Variants in ARHGAP44 observed in about 807,000 individuals in gnomAD.
The protein encoded by ARHGAP44 is Rho GTPase activating protein 44.
In ARHGAP44, 43 loss-of-function variants were observed where a neutral mutation model predicts 106.8. The ratio of observed to expected loss-of-function variants is 0.40; its 90% CI spans 0.32 to 0.52. ARHGAP44 has a LOEUF of 0.52. Among genes scored for constraint, ARHGAP44 ranks in the 20% least tolerant of loss-of-function variants. ARHGAP44 has a pLI of 0.48. For missense variants in ARHGAP44, 866 were observed against 1,050.5 expected, an observed-to-expected ratio of 0.82 and a Z score of 2.43; for synonymous variants, 439 against 410.3, an observed-to-expected ratio of 1.07 and a Z score of -0.85.
intron 1 of ARHGAP44, among the ~76,000 whole-genome samples, chr17:12,833,280 T>C (rs2035140678): frequency 6.6e-6 from 1 of 152,188 alleles, no homozygotes; most frequent in South Asian, 2.1e-4. Flanking sequence ...GCATATGTGT[T>C]TCATATTGAT....
chr17:12,978,680 TTTC>T (rs2039756020), intron 18 of ARHGAP44, among the ~76,000 whole-genome samples: 1 of 71,206 alleles, frequency 1.4e-5, no homozygotes, highest in African/African-American at 3.3e-5. Context: ...TTTTTTTTCT[TTTC>T]TTTTTTCTTT....
At chr17:12,866,329 A>G (rs1195448734) in intron 1 of ARHGAP44, among the ~76,000 whole-genome samples, 1 of 152,144 alleles carries the variant, frequency 6.6e-6, no homozygotes, top group Non-Finnish European at 1.5e-5. Flanking sequence ...CTGCCTTAAT[A>G]TTTTTGACCC....
intron 1 of ARHGAP44, among the ~76,000 whole-genome samples, chr17:12,849,846 C>T (rs913237679): frequency 1.3e-5 from 2 of 152,002 alleles, no homozygotes; most frequent in Admixed American, 6.6e-5. Flanking sequence ...ACATTTAATG[C>T]TGGATGACTG....
At position 12,990,189 on chromosome 17, in the gene ARHGAP44, T is replaced by C; in HGVS notation, c.*18T>C. 6.2e-7 allele frequency: 1 copy of C among 1,606,966 alleles called. No homozygotes were observed. Among genetic ancestry groups the C allele is most frequent in the Non-Finnish European group, 8.5e-7 (1 of 1,174,400 alleles). On this transcript the variant is annotated 3_prime_UTR_variant, in exon 21 of 21. Coordinates refer to ENST00000379672, the MANE Select transcript of ARHGAP44 (RefSeq NM_014859.6). The stretch of plus-strand genomic sequence containing the variant: ...CCCTCTGACATGACACCGCCCATCC[T>C]GCCTCGCGTGTACATACATCACGGG...
At chr17:12,792,484 C>G (rs537242925) in intron 1 of ARHGAP44, among the ~76,000 whole-genome samples, 1 of 152,102 alleles carries the variant, frequency 6.6e-6, no homozygotes, top group African/African-American at 2.4e-5. Flanking sequence ...TGAGGGTCAG[C>G]GAGAGGGGCA....
chr17:12,856,731 A>G (rs1364867975), intron 1 of ARHGAP44, among the ~76,000 whole-genome samples: 2 of 152,210 alleles, frequency 1.3e-5, no homozygotes, highest in East Asian at 1.9e-4. Context: ...CAATTTCCCC[A>G]TCAATAATAT....
intron 7 of ARHGAP44, among the ~76,000 whole-genome samples, chr17:12,939,687 C>T (rs966026567): frequency 2.6e-5 from 4 of 152,134 alleles, no homozygotes; most frequent in Non-Finnish European, 4.4e-5. Context: ...AGGATGGTCT[C>T]GATCTCCTGA....
At chr17:12,846,901 T>C (rs898366069) in intron 1 of ARHGAP44, among the ~76,000 whole-genome samples, 3 of 152,216 alleles carry the variant, frequency 2.0e-5, no homozygotes, top group Non-Finnish European at 4.4e-5. Context: ...TAATCTCTTA[T>C]ACAGAGGAAA....
intron 7 of ARHGAP44, among the ~76,000 whole-genome samples, chr17:12,936,387 C>A (rs374644130): frequency 6.6e-6 from 1 of 152,154 alleles, no homozygotes; most frequent in Admixed American, 6.5e-5. Context: ...AACCACTGAT[C>A]TTTTTATTGT....
intron 1 of ARHGAP44, among the ~76,000 whole-genome samples, chr17:12,802,961 ATATATATATTTT>A (rs1486547313): frequency 1.4e-3 from 31 of 21,870 alleles, no homozygotes; most frequent in Non-Finnish European, 1.2e-3. Context: ...ATATATATAT[ATATATATATTTT>A]TTTTTTTTTT....
chr17:12,793,212 G>C (rs943135232), intron 1 of ARHGAP44, among the ~76,000 whole-genome samples: 1 of 152,218 alleles, frequency 6.6e-6, no homozygotes, highest in Non-Finnish European at 1.5e-5. Context: ...GATAACCTGT[G>C]AAAAGTACCT....
Position 12,958,208 on chromosome 17 carries a change from A to G in ARHGAP44, c.1343-509A>G, listed in dbSNP as rs2039174953. Among the ~76,000 whole-genome samples, 1 of 152,202 alleles carries G rather than the reference A, an allele frequency of 6.6e-6. No individual in the cohort carries two copies. The highest frequency in any genetic ancestry group is 1.5e-5 in the Non-Finnish European group (1 of 68,046). Reference sequence around the variant, plus strand: ...GACAGCCAAAAAACAACTTTAATGAAATCTATATTTCTAATATCTTGAATT... The same window carrying G: ...GACAGCCAAAAAACAACTTTAATGAGATCTATATTTCTAATATCTTGAATT... On this transcript the variant is annotated intron_variant, in intron 15 of 20. Transcript: ENST00000379672. This position sits in a 1 kb window ranked among gnomAD's most constrained non-coding sequence, Gnocchi z 4.1.
chr17:12,791,144 A>G (rs939881939), intron 1 of ARHGAP44, among the ~76,000 whole-genome samples: 1 of 152,124 alleles, frequency 6.6e-6, no homozygotes, highest in Non-Finnish European at 1.5e-5. Flanking sequence ...GTGGCTTCTT[A>G]TGCTTCCAGG....
chr17:12,824,242 C>T (rs2034854810), intron 1 of ARHGAP44, among the ~76,000 whole-genome samples: 1 of 152,100 alleles, frequency 6.6e-6, no homozygotes, highest in Non-Finnish European at 1.5e-5. Flanking sequence ...CATGGTCAAT[C>T]CACAGGGCCT....
At position 12,803,251 on chromosome 17, in the gene ARHGAP44, C is replaced by T. The variant is rs193136824; in HGVS notation, c.53+13360C>T. On this transcript the variant is annotated intron_variant, in intron 1 of 20. Coordinates refer to ENST00000379672, the MANE Select transcript of ARHGAP44 (RefSeq NM_014859.6). ...CCTCCCAAAGTGCTGGGATTACAAG[C>T]GTGAGCTACCGCGCCCAGCCAATTT... Among the ~76,000 whole-genome samples, 190 of 151,796 alleles carry T rather than the reference C, an allele frequency of 1.3e-3. 1 individual carries two copies. The highest frequency in any genetic ancestry group is 4.1e-3 in the African/African-American group (168 of 41,398).
At chr17:12,939,353 A>G (rs2038641843) in intron 7 of ARHGAP44, among the ~76,000 whole-genome samples, 1 of 152,096 alleles carries the variant, frequency 6.6e-6, no homozygotes, top group African/African-American at 2.4e-5. Context: ...AACTCTTGCT[A>G]CCTATGGATC....
At chr17:12,940,789 C>T (rs2038685773) in intron 7 of ARHGAP44, among the ~76,000 whole-genome samples, 1 of 152,206 alleles carries the variant, frequency 6.6e-6, no homozygotes, top group African/African-American at 2.4e-5. Flanking sequence ...CATCACTCCT[C>T]TACACCAACT....
chr17:12,830,383 TCC>T (rs1371212173), intron 1 of ARHGAP44, among the ~76,000 whole-genome samples: 1 of 152,190 alleles, frequency 6.6e-6, no homozygotes, highest in Non-Finnish European at 1.5e-5. Context: ...CTGCCTCCAG[TCC>T]TGTCCCTCTT....
In ARHGAP44 at chr17:12,918,876, G is replaced by A. The variant is rs2037992635; in HGVS notation, c.388-879G>A. Among the ~76,000 whole-genome samples the A allele has an allele frequency of 3.3e-5, 5 of 152,186 alleles. No homozygotes were observed. The South Asian group carries it at 1.0e-3, about 32-fold the overall frequency. On this transcript the variant is annotated intron_variant, in intron 5 of 20. Coordinates refer to ENST00000379672, the MANE Select transcript of ARHGAP44 (RefSeq NM_014859.6). ...CAAGGTGAGGGCAGGAAAGTGGCCA[G>A]GCCTGCATGAGCAGAGAAGCACAGG...
Sources: allele counts gnomAD v4.1 joint callset (sites outside exome capture counted in the v4.1 genomes callset), GRCh38; gene constraint gnomAD v4.1.1; non-coding constraint Gnocchi (gnomAD v3.1); transcripts MANE v1.5; gene names NCBI Gene and HGNC (gene_info 2026-07-23, HGNC 2026-07-21).